The following IL1RL2 variants were observed in gnomAD, a reference collection of about 807,000 sequenced individuals.
IL1RL2 encodes interleukin-1 receptor-like 2.
In IL1RL2, 68 loss-of-function variants were observed where a neutral mutation model predicts 66.8. The observed-to-expected ratio is 1.02, with a 90% CI of 0.84 to 1.25. The LOEUF is 1.25. Among genes scored for constraint, IL1RL2 ranks in the 50% most tolerant of loss-of-function variants. The pLI, the probability that IL1RL2 is intolerant of heterozygous loss-of-function variation, is 0.00. For missense variants in IL1RL2, 729 were observed against 709.3 expected, an observed-to-expected ratio of 1.03 and a Z score of -0.32; for synonymous variants, 305 against 264.6, an observed-to-expected ratio of 1.15 and a Z score of -1.48.
intron 5 of IL1RL2, among the ~76,000 whole-genome samples, chr2:102,209,748 A>G (rs1444430279): frequency 6.6e-6 from 1 of 152,198 alleles, no homozygotes; most frequent in Admixed American, 6.5e-5. Flanking sequence ...ATTTGAAGCC[A>G]GAGTTGAAGA....
chr2:102,195,611 TTC>T (rs1199706075), intron 4 of IL1RL2, among the ~76,000 whole-genome samples: 7 of 17,664 alleles, frequency 4.0e-4, no homozygotes, highest in African/African-American at 9.3e-4. Context: ...CTTTCTTTCT[TTC>T]TTTCTTTCTT....
At position 102,232,845 on chromosome 2, in the gene IL1RL2, C is replaced by T. The variant is rs558896397; in HGVS notation, c.1136-118C>T. ...TGGCACCAAGTCAGCCAACTGGGCA[C>T]TCAGAAGTCATGGAACCCAGGCCAA... On this transcript the variant is annotated intron_variant, in intron 9 of 11. Coordinates refer to ENST00000264257, the MANE Select transcript of IL1RL2 (RefSeq NM_003854.4). 9 of 1,172,570 alleles carry T rather than the reference C, an allele frequency of 7.7e-6. No individual in the cohort carries two copies. The African/African-American group carries it at 1.4e-4, about 18-fold the overall frequency. The allele number at this position is 1,172,570 out of a possible 1,614,324, so 72.6% of individuals were successfully genotyped here. A position where few individuals can be genotyped will look rare whatever the true frequency, so the allele number is the denominator to read the frequency against.
At chr2:102,219,223 G>C (rs577872774) in intron 7 of IL1RL2, 141 bp downstream of exon 7, 2 of 937,768 alleles carry the variant, frequency 2.1e-6, no homozygotes, top group Non-Finnish European at 3.4e-6. Context: ...CACATAGTTA[G>C]GGAGATATGG....
At chr2:102,206,291 T>C (rs1019079992) in intron 5 of IL1RL2, among the ~76,000 whole-genome samples, 3 of 152,062 alleles carry the variant, frequency 2.0e-5, no homozygotes, top group African/African-American at 4.8e-5. Context: ...TCCTGGATGG[T>C]GTTGATGCTA....
chr2:102,205,039 G>T (rs913413713), intron 5 of IL1RL2, among the ~76,000 whole-genome samples: 4 of 151,586 alleles, frequency 2.6e-5, no homozygotes, highest in African/African-American at 9.7e-5. Flanking sequence ...CTGGTTTGAG[G>T]TTTCCATGAG....
intron 7 of IL1RL2, 22 bp from the exon 8 acceptor site, chr2:102,219,859 G>A: frequency 6.3e-7 from 1 of 1,591,326 alleles, no homozygotes; most frequent in South Asian, 1.1e-5. Context: ...ATGTATTAAT[G>A]ACTTACTCTT....
chr2:102,201,503 C>G, intron 4 of IL1RL2, 53 bp from the exon 5 acceptor site: 1 of 1,537,346 alleles, frequency 6.5e-7, no homozygotes, highest in South Asian at 1.1e-5. Flanking sequence ...TACTAGGGAT[C>G]ACACAGGTTT....
chr2:102,219,928 C>A lies in IL1RL2; in HGVS notation c.902C>A (p.Thr301Asn), dbSNP rs1461849297. 1 of 1,613,588 alleles carries A rather than the reference C, an allele frequency of 6.2e-7. No individual in the cohort carries two copies. The highest frequency in any genetic ancestry group is 2.2e-5 in the East Asian group (1 of 44,882). Residue 301 changes from threonine to asparagine, a missense_variant, in exon 8 of 12, where the codon ACC (threonine) becomes AAC (asparagine). Thr to Asn is a moderately conservative substitution (Grantham distance 65). Coordinates refer to ENST00000264257, the MANE Select transcript of IL1RL2 (RefSeq NM_003854.4). The stretch of plus-strand genomic sequence containing the variant: ...CATAATTTGTACACAGTAAACATCA[C>A]CTTCTTGGAAGTGAAAATGGAAGAT... ...REHNLYTVNI[T>N]FLEVKMEDYG...
At chr2:102,202,384 G>A (rs1688337805) in intron 5 of IL1RL2, among the ~76,000 whole-genome samples, 1 of 150,934 alleles carries the variant, frequency 6.6e-6, no homozygotes, top group Non-Finnish European at 1.5e-5. Flanking sequence ...AATAATAGGT[G>A]TATTATATAT....
At chr2:102,192,568 G>A (rs1314852999) in intron 4 of IL1RL2, among the ~76,000 whole-genome samples, 3 of 151,824 alleles carry the variant, frequency 2.0e-5, no homozygotes, top group Non-Finnish European at 4.4e-5. Context: ...ATTCTTGTAT[G>A]ATGCTATACT....
chr2:102,213,040 A>G (rs1462435763), intron 6 of IL1RL2, among the ~76,000 whole-genome samples: 1 of 152,212 alleles, frequency 6.6e-6, no homozygotes, highest in Non-Finnish European at 1.5e-5. Context: ...CTGAAAAAAA[A>G]GCAAATTAGA....
At chr2:102,193,230 TC>T (rs1351580150) in intron 4 of IL1RL2, among the ~76,000 whole-genome samples, 1 of 152,202 alleles carries the variant, frequency 6.6e-6, no homozygotes, top group Admixed American at 6.5e-5. Context: ...GAAGTGAGTG[TC>T]CTTATACCTG....
chr2:102,189,221 C>G lies in IL1RL2; in HGVS notation c.204C>G (p.Ile68Met). The change falls in exon 3 of 12, where the codon ATC becomes ATG. Residue 68 changes from isoleucine (I) to methionine (M), a missense_variant. Physicochemically the swap from Ile to Met is conservative, Grantham distance 10. Transcript: ENST00000264257. ...CTAGCAAAATCCCAGTGTCCAAAAT[C>G]ATACAGTCTAGAATTCACCAGGACG... ...KNSSKIPVSKIIQSRIHQDET... is the reference protein window; with the variant it reads ...KNSSKIPVSKMIQSRIHQDET... 3 of 1,614,104 alleles carry G rather than the reference C, an allele frequency of 1.9e-6. No homozygotes were observed. Among genetic ancestry groups the G allele is most frequent in the Non-Finnish European group, 2.5e-6 (3 of 1,179,986 alleles).
At chr2:102,231,885 G>T (rs1239648189) in intron 9 of IL1RL2, among the ~76,000 whole-genome samples, 1 of 152,192 alleles carries the variant, frequency 6.6e-6, no homozygotes, top group African/African-American at 2.4e-5. Flanking sequence ...GGAATTCACT[G>T]GTGGGCCTGA....
chr2:102,222,326 A>G (rs1160219932), intron 8 of IL1RL2, among the ~76,000 whole-genome samples: 1 of 152,216 alleles, frequency 6.6e-6, no homozygotes, highest in Non-Finnish European at 1.5e-5. Flanking sequence ...TTAACAAAGA[A>G]TACTGCTATG....
At chr2:102,241,279 G>T (rs185815317), downstream of IL1RL2, among the ~76,000 whole-genome samples, 146 of 152,346 alleles carry the variant, frequency 9.6e-4, no homozygotes, top group Non-Finnish European at 1.2e-3. Flanking sequence ...GGTGAGTGGG[G>T]ATCAGCAGGC....
At chr2:102,212,208 A>G (rs781186365) in intron 6 of IL1RL2, 34 bp downstream of exon 6, 1 of 1,411,216 alleles carries the variant, frequency 7.1e-7, no homozygotes, top group Non-Finnish European at 1.0e-6. Flanking sequence ...TGAAATCACC[A>G]GGGGAAGAGC....
chr2:102,235,447 G>A lies in IL1RL2; in HGVS notation c.1678+170G>A, dbSNP rs924547205. ...GTGTTTGTTGTCATTTGTTTGCTTC[G>A]ATCAGAGCTGCTTCTTCAGGGAAAC... On this transcript the variant is annotated intron_variant, in intron 11 of 11. Transcript: ENST00000264257. 8 of 985,310 alleles carry A rather than the reference G, an allele frequency of 8.1e-6. No individual in the cohort carries two copies. In the Admixed American group the frequency reaches 2.5e-4, roughly 30 times the overall value. The allele number at this position is 985,310 out of a possible 1,614,324, so 61.0% of individuals were successfully genotyped here.
chr2:102,242,554 G>T (rs1221710273), downstream of IL1RL2, among the ~76,000 whole-genome samples: 1 of 152,102 alleles, frequency 6.6e-6, no homozygotes, highest in Non-Finnish European at 1.5e-5. Flanking sequence ...AAGATGAGAT[G>T]GTTCAGCTCA....
Sources: allele counts gnomAD v4.1 joint callset (sites outside exome capture counted in the v4.1 genomes callset), GRCh38; gene constraint gnomAD v4.1.1; transcripts MANE v1.5; gene names NCBI Gene and HGNC (gene_info 2026-07-23, HGNC 2026-07-21).